Variants in BCL11B observed in about 807,000 individuals in gnomAD.
BCL11B encodes the protein B-cell lymphoma/leukemia 11B.
A neutral mutation model predicts 49.9 loss-of-function variants in BCL11B; 8 were observed. The ratio of observed to expected loss-of-function variants is 0.16; its 90% CI spans 0.09 to 0.29. BCL11B has a LOEUF of 0.29. BCL11B is among the 10% of genes least tolerant of loss of function. BCL11B has a pLI of 1.00. For missense variants in BCL11B, 1,006 were observed against 1,351.0 expected (o/e 0.74, Z 4.00); for synonymous variants, 739 against 637.4 (o/e 1.16, Z -2.40).
rs1029564924 is a variant in BCL11B, at chr14:99,205,026, C to T, written c.640+26319G>A. Among the ~76,000 whole-genome samples, 18 of 152,248 alleles carry T rather than the reference C, an allele frequency of 1.2e-4. No individual in the cohort carries two copies. The highest frequency in any genetic ancestry group is 1.6e-4 in the Non-Finnish European group (11 of 68,004). On this transcript the variant is annotated intron_variant, in intron 3 of 3. Coordinates refer to ENST00000357195, the MANE Select transcript of BCL11B (RefSeq NM_138576.4). The surrounding 1 kb of genome is among the most constrained non-coding windows in gnomAD (Gnocchi z 5.0). ...GGAGGGGTACCTGGGACAGGACAGG[C>T]GGACCAGGTCCCAGATCACCTGTGG...
Position 99,173,904 on chromosome 14 carries a change from AT to A in BCL11B, c.*246del, listed in dbSNP as rs1310609388. The A allele has an allele frequency of 1.9e-6, 1 of 536,382 alleles. No homozygotes were observed. Among genetic ancestry groups the A allele is most frequent in the African/African-American group, 1.9e-5 (1 of 52,556 alleles). The allele number at this position is 536,382 out of a possible 1,614,324, so 33.2% of individuals were successfully genotyped here. On this transcript the variant is annotated 3_prime_UTR_variant, in exon 4 of 4. Coordinates refer to ENST00000357195, the MANE Select transcript of BCL11B (RefSeq NM_138576.4). ...AAAAGTACCTGCACATGCCAAAAAAATTACAAAACCCAATAAATACAGAAAT... is the reference window on the plus strand; with the variant it reads ...AAAAGTACCTGCACATGCCAAAAAAATACAAAACCCAATAAATACAGAAAT...
At chr14:99,268,225 T>C (rs1404922886) in intron 1 of BCL11B, among the ~76,000 whole-genome samples, 1 of 152,150 alleles carries the variant, frequency 6.6e-6, no homozygotes, top group Non-Finnish European at 1.5e-5. Flanking sequence ...GCCCTGTCTG[T>C]AAATTTAACT....
Position 99,213,350 on chromosome 14 carries a change from C to T in BCL11B, c.640+17995G>A, listed in dbSNP as rs1245163898. Among the ~76,000 whole-genome samples, 2 of 152,170 alleles carry T rather than the reference C, an allele frequency of 1.3e-5. No individual in the cohort carries two copies. The highest frequency in any genetic ancestry group is 1.3e-4 in the Admixed American group (2 of 15,288). ...TAATCAGACAGCAGAGGCTGCCACC[C>T]AGAATGCCCGGCACGTTATTCAGCA... On this transcript the variant is annotated intron_variant, in intron 3 of 3. Coordinates refer to ENST00000357195, the MANE Select transcript of BCL11B (RefSeq NM_138576.4). This position sits in a 1 kb window ranked among gnomAD's most constrained non-coding sequence, Gnocchi z 5.1.
At chr14:99,201,174 C>T (rs1027845453) in intron 3 of BCL11B, among the ~76,000 whole-genome samples, 2 of 152,320 alleles carry the variant, frequency 1.3e-5, no homozygotes, top group African/African-American at 2.4e-5. Context: ...CAGAGGAAAA[C>T]GCAACCCTCG....
At position 99,174,691 on chromosome 14, in the gene BCL11B, G is replaced by A. The variant is rs371673923; in HGVS notation, c.2145C>T (p.Tyr715=). The A allele has an allele frequency of 6.0e-5, 95 of 1,574,406 alleles. No homozygotes were observed. Among genetic ancestry groups the A allele is most frequent in the Non-Finnish European group, 7.6e-5 (88 of 1,162,770 alleles). ...CCTTCATGAAGTGCCGCGACGCCGC[G>A]TAGCCCACCAGCCACTGCGAGTACA... The part of the protein sequence containing the change: ...ENVYSQWLVG[Y]AASRHFMKDP... Residue 715 remains tyrosine, a synonymous_variant, in exon 4 of 4, where the codon TAC becomes TAT. Coordinates refer to ENST00000357195, the MANE Select transcript of BCL11B (RefSeq NM_138576.4).
Position 99,176,029 on chromosome 14 carries a change from G to C in BCL11B, c.807C>G (p.Leu269=). ...GGGACTGCGCCACGGCCTCCGGCCC[G>C]AGCGGCGGCGGGATGGTGAGCCGCG... ...LTPRLTIPPP[L]GPEAVAQSPL... Residue 269 remains leucine (L), a synonymous_variant, in exon 4 of 4, where the codon CTC becomes CTG. Coordinates refer to ENST00000357195, the MANE Select transcript of BCL11B (RefSeq NM_138576.4). 2 of 1,581,546 alleles carry C rather than the reference G, an allele frequency of 1.3e-6. No individual in the cohort carries two copies. Among genetic ancestry groups the C allele is most frequent in the African/African-American group, 1.4e-5 (1 of 73,282 alleles).
intron 3 of BCL11B, among the ~76,000 whole-genome samples, chr14:99,189,585 G>A (rs1270918321): frequency 6.6e-6 from 1 of 152,220 alleles, no homozygotes; most frequent in South Asian, 2.1e-4. Flanking sequence ...ACCCCAGCAT[G>A]GCGGCTACTG....
At chr14:99,226,977 T>C (rs1888178252) in intron 3 of BCL11B, among the ~76,000 whole-genome samples, 1 of 152,218 alleles carries the variant, frequency 6.6e-6, no homozygotes, top group Non-Finnish European at 1.5e-5. Context: ...TGACTCCCTC[T>C]ATTAAAGCCA....
At chr14:99,240,987 A>G (rs1467835477) in intron 2 of BCL11B, among the ~76,000 whole-genome samples, 1 of 152,050 alleles carries the variant, frequency 6.6e-6, no homozygotes, top group Non-Finnish European at 1.5e-5. Context: ...ATTGGGGGAA[A>G]TCATAGCACG....
At chr14:99,197,479 T>C (rs1313861868) in intron 3 of BCL11B, among the ~76,000 whole-genome samples, 3 of 152,140 alleles carry the variant, frequency 2.0e-5, no homozygotes, top group Non-Finnish European at 2.9e-5. Flanking sequence ...AGTTGGAAAA[T>C]TGAAGATTGG....
Position 99,175,723 on chromosome 14 carries a change from C to G in BCL11B, c.1113G>C (p.Ala371=), listed in dbSNP as rs772476468. Residue 371 remains alanine (A), a synonymous_variant, in exon 4 of 4, where the codon GCG becomes GCC. Transcript: ENST00000357195. ...CGGGCGGCGGCGTGGAGCTGTTGCC[C>G]GCCAGCTCGCGGAGCCGCCGCGAGA... ...MDFSRRLREL[A]GNSSTPPPVS... is the part of the protein sequence containing the mutation. The G allele has an allele frequency of 6.7e-7, 1 of 1,484,902 alleles. No individual in the cohort carries two copies. Among genetic ancestry groups the G allele is most frequent in the South Asian group, 1.4e-5 (1 of 73,154 alleles). 92.0% of individuals were successfully genotyped at this position (1,484,902 alleles called of 1,614,324 possible).
intron 2 of BCL11B, among the ~76,000 whole-genome samples, chr14:99,243,662 G>A (rs1038531895): frequency 1.6e-4 from 25 of 152,160 alleles, no homozygotes; most frequent in African/African-American, 5.5e-4. Context: ...ACAACGACAC[G>A]GCCCCTGACG....
At chr14:99,245,161 T>C (rs1384495766) in intron 2 of BCL11B, among the ~76,000 whole-genome samples, 1 of 152,244 alleles carries the variant, frequency 6.6e-6, no homozygotes, top group Non-Finnish European at 1.5e-5. Flanking sequence ...TTTAAGGGCC[T>C]GTTGAAGTGC....
intron 3 of BCL11B, among the ~76,000 whole-genome samples, chr14:99,215,351 A>G (rs1887803024): frequency 6.6e-6 from 1 of 152,230 alleles, no homozygotes; most frequent in Non-Finnish European, 1.5e-5. Flanking sequence ...AATGTTTCGG[A>G]GACCGCAGTC....
chr14:99,230,503 T>C (rs1008131186), intron 3 of BCL11B, among the ~76,000 whole-genome samples: 6 of 152,108 alleles, frequency 3.9e-5, no homozygotes, highest in African/African-American at 1.2e-4. Flanking sequence ...CCTGCCGAGA[T>C]GCCGGGGGGA....
At chr14:99,221,775 C>T (rs1888016243) in intron 3 of BCL11B, among the ~76,000 whole-genome samples, 1 of 152,244 alleles carries the variant, frequency 6.6e-6, no homozygotes, top group Non-Finnish European at 1.5e-5. Context: ...CCTGGAAAGC[C>T]CAAATTCAGA....
In BCL11B at chr14:99,210,160, G is replaced by A. The variant is rs895599402; in HGVS notation, c.640+21185C>T. On this transcript the variant is annotated intron_variant, in intron 3 of 3. Coordinates refer to ENST00000357195, the MANE Select transcript of BCL11B (RefSeq NM_138576.4). Reference sequence around the variant, plus strand: ...CCCAGGGGAAGGAGGTGCTGTGATTGACAAGTGATGTCTGCTATGGTATAG... The same window carrying A: ...CCCAGGGGAAGGAGGTGCTGTGATTAACAAGTGATGTCTGCTATGGTATAG... Among the ~76,000 whole-genome samples the A allele has an allele frequency of 2.0e-5, 3 of 152,210 alleles. No homozygotes were observed. In the East Asian group the frequency reaches 5.8e-4, roughly 29 times the overall value.
chr14:99,269,526 CA>C lies in BCL11B; in HGVS notation c.58+1634del, dbSNP rs1555385241. 1.4e-3 allele frequency among the ~76,000 whole-genome samples: 205 copies of C among 148,102 alleles called. 1 individual carries two copies. Among genetic ancestry groups the C allele is most frequent in the African/African-American group, 3.0e-3 (118 of 39,560 alleles). ...ACTTTAATTTCTATTCCCCCCCCCCCAAAAAAAATCATAATAAATCCACAAA... is the reference window on the plus strand; with the variant it reads ...ACTTTAATTTCTATTCCCCCCCCCCCAAAAAAATCATAATAAATCCACAAA... On this transcript the variant is annotated intron_variant, in intron 1 of 3. Transcript: ENST00000357195.
intron 3 of BCL11B, among the ~76,000 whole-genome samples, chr14:99,193,380 C>T (rs1433134373): frequency 1.3e-5 from 2 of 152,172 alleles, no homozygotes. Context: ...TCAATAAGTG[C>T]TTGCTTTAAC....
Sources: gnomAD v4.1 joint callset for allele counts (sites outside exome capture counted in the v4.1 genomes callset) on GRCh38, gnomAD v4.1.1 for gene constraint, Gnocchi (gnomAD v3.1) non-coding constraint, MANE v1.5 for transcripts, NCBI Gene and HGNC (gene_info 2026-07-23, HGNC 2026-07-21) for gene names.